PPFIA2: variants seen among roughly 807,000 people sequenced by gnomAD.
PPFIA2 encodes the protein PPFI scaffold protein A2, also known as liprin-alpha-2.
In PPFIA2, 46 loss-of-function variants were observed where a neutral mutation model predicts 175.5. The ratio of observed to expected loss-of-function variants is 0.26; its 90% CI spans 0.21 to 0.34. The LOEUF (loss-of-function observed/expected upper bound fraction) is 0.34. PPFIA2 is among the 10% of genes least tolerant of loss of function. The pLI is 1.00. For missense variants in PPFIA2, 1,179 were observed against 1,506.1 expected (o/e 0.78, Z 3.60); for synonymous variants, 568 against 511.4 (o/e 1.11, Z -1.49).
At chr12:81,736,452 T>C (rs749497559) in intron 3 of PPFIA2, among the ~76,000 whole-genome samples, 3 of 152,028 alleles carry the variant, frequency 2.0e-5, no homozygotes, top group African/African-American at 4.8e-5. Context: ...TTTGTGGACA[T>C]AGACGCATTT....
chr12:81,270,237 T>C (rs1249705828), intron 28 of PPFIA2, among the ~76,000 whole-genome samples: 1 of 152,252 alleles, frequency 6.6e-6, no homozygotes, highest in Non-Finnish European at 1.5e-5. Flanking sequence ...TAACCTTGCA[T>C]TATTAATGTC....
chr12:81,473,111 T>C lies in PPFIA2; in HGVS notation c.304-15245A>G, dbSNP rs146984489. Among the ~76,000 whole-genome samples the C allele has an allele frequency of 4.1e-3, 630 of 152,144 alleles. 6 individuals are homozygous for C. Among genetic ancestry groups the C allele is most frequent in the Middle Eastern group, 0.031 (9 of 292 alleles). On this transcript the variant is annotated intron_variant, in intron 4 of 32. Coordinates refer to ENST00000549396, the MANE Select transcript of PPFIA2 (RefSeq NM_003625.5). ...ATTGCTACAGAAACATATATGTACA[T>C]AAAACTGCATGTAGGGCCGGGTGCG...
intron 3 of PPFIA2, among the ~76,000 whole-genome samples, chr12:81,718,576 A>G (rs572428830): frequency 6.6e-6 from 1 of 151,794 alleles, no homozygotes; most frequent in African/African-American, 2.4e-5. Context: ...CGGGCTCTCA[A>G]AAACCATCTG....
chr12:81,511,635 G>T (rs923000442), intron 4 of PPFIA2, among the ~76,000 whole-genome samples: 2 of 151,970 alleles, frequency 1.3e-5, no homozygotes, highest in Non-Finnish European at 2.9e-5. Context: ...AAACAACCCT[G>T]ATGTTTACTT....
At chr12:81,540,093 A>G (rs1458582894) in intron 4 of PPFIA2, among the ~76,000 whole-genome samples, 1 of 151,880 alleles carries the variant, frequency 6.6e-6, no homozygotes, top group Non-Finnish European at 1.5e-5. Context: ...AAAGAGAGAG[A>G]CCAATAGATA....
At chr12:81,707,108 C>T (rs536160293) in intron 3 of PPFIA2, among the ~76,000 whole-genome samples, 58 of 152,178 alleles carry the variant, frequency 3.8e-4, no homozygotes, top group African/African-American at 1.3e-3. Flanking sequence ...GACATAGGCA[C>T]GGGAAAGGAC....
At chr12:81,556,940 A>G (rs1348930394) in intron 4 of PPFIA2, among the ~76,000 whole-genome samples, 2 of 151,992 alleles carry the variant, frequency 1.3e-5, no homozygotes, top group Non-Finnish European at 2.9e-5. Context: ...ATAAAAATTC[A>G]ATATTAGTTT....
At chr12:81,690,481 C>T (rs2075103978) in intron 3 of PPFIA2, among the ~76,000 whole-genome samples, 2 of 152,046 alleles carry the variant, frequency 1.3e-5, no homozygotes, top group African/African-American at 4.8e-5. Context: ...TCCTGTCTCA[C>T]TCCTCACCCT....
At chr12:81,739,865 GA>G (rs574756332) in intron 3 of PPFIA2, among the ~76,000 whole-genome samples, 2 of 151,790 alleles carry the variant, frequency 1.3e-5, no homozygotes, top group Admixed American at 1.3e-4. Context: ...ATTTAAAAAA[GA>G]AAAAAACAAA....
At chr12:81,418,758 T>G (rs918327879) in intron 7 of PPFIA2, among the ~76,000 whole-genome samples, 1 of 151,936 alleles carries the variant, frequency 6.6e-6, no homozygotes, top group African/African-American at 2.4e-5. Context: ...ATAACTAAAA[T>G]TCCTGAGTTT....
At chr12:81,606,535 C>A (rs531987683) in intron 4 of PPFIA2, among the ~76,000 whole-genome samples, 1 of 152,178 alleles carries the variant, frequency 6.6e-6, no homozygotes, top group Admixed American at 6.5e-5. Flanking sequence ...GATAGTATCT[C>A]ATTGTGGTTT....
chr12:81,378,631 A>C (rs919252443), intron 9 of PPFIA2, among the ~76,000 whole-genome samples: 1 of 152,116 alleles, frequency 6.6e-6, no homozygotes, highest in African/African-American at 2.4e-5. Flanking sequence ...GTATTCTGTC[A>C]GTTTCATTTG....
Position 81,642,733 on chromosome 12 carries a change from A to ACGTATATATTATATACATACATGTACGTG in PPFIA2, c.303+34057_303+34058insCACGTACATGTATGTATATAATATATACG, listed in dbSNP as rs1344823037. Among the ~76,000 whole-genome samples the ACGTATATATTATATACATACATGTACGTG allele has an allele frequency of 7.4e-4, 6 of 8,122 alleles. 2 individuals are homozygous for ACGTATATATTATATACATACATGTACGTG. The highest frequency in any genetic ancestry group is 2.8e-3 in the Admixed American group (2 of 718). The allele number at this position is 8,122 out of a possible 152,430, so 5.3% of individuals were successfully genotyped here. A position where few individuals can be genotyped will look rare whatever the true frequency, so the allele number is the denominator to read the frequency against. On this transcript the variant is annotated intron_variant, in intron 4 of 32. Transcript: ENST00000549396. ...ATGTATGTATTATATACATACATGT[A>ACGTATATATTATATACATACATGTACGTG]TATGTATGTATGTATTATATACATA...
chr12:81,296,418 G>A (rs762817161), intron 23 of PPFIA2, among the ~76,000 whole-genome samples: 2 of 152,162 alleles, frequency 1.3e-5, no homozygotes, highest in Non-Finnish European at 2.9e-5. Context: ...CACAGGTCTC[G>A]TGCACATCTC....
intron 30 of PPFIA2, among the ~76,000 whole-genome samples, chr12:81,265,555 A>T (rs1352991289): frequency 2.6e-5 from 4 of 152,162 alleles, no homozygotes; most frequent in Non-Finnish European, 5.9e-5. Context: ...TAAGTCCACT[A>T]CTGTTCTAAG....
chr12:81,299,275 A>G, intron 23 of PPFIA2, 26 bp downstream of exon 23: 1 of 1,568,154 alleles, frequency 6.4e-7, no homozygotes, highest in South Asian at 1.2e-5. Context: ...GATTGATTCA[A>G]GGGCCTCCTA....
At chr12:81,587,261 T>A (rs1455630200) in intron 4 of PPFIA2, among the ~76,000 whole-genome samples, 2 of 151,966 alleles carry the variant, frequency 1.3e-5, no homozygotes, top group East Asian at 1.9e-4. Context: ...TGGCGGCAGT[T>A]CCTCCTATCC....
rs545413217 is a variant in PPFIA2, at chr12:81,758,520, G to A, written c.-110-13C>T. 56 of 444,046 alleles carry A rather than the reference G, an allele frequency of 1.3e-4. No individual in the cohort carries two copies. Among genetic ancestry groups the A allele is most frequent in the African/African-American group, 1.1e-3 (55 of 49,938 alleles). The allele number at this position is 444,046 out of a possible 1,614,324, so 27.5% of individuals were successfully genotyped here. On this transcript the variant is annotated splice_polypyrimidine_tract_variant and intron_variant, in intron 1 of 32. Coordinates refer to ENST00000549396, the MANE Select transcript of PPFIA2 (RefSeq NM_003625.5). ...CTGGACCATTTCCCTAGCAACGGGAGGAGAAAGGCAGCTCAGACACACGCG... is the reference window on the plus strand; with the variant it reads ...CTGGACCATTTCCCTAGCAACGGGAAGAGAAAGGCAGCTCAGACACACGCG...
At chr12:81,669,208 GT>G (rs569109714) in intron 4 of PPFIA2, among the ~76,000 whole-genome samples, 3 of 151,602 alleles carry the variant, frequency 2.0e-5, no homozygotes, top group South Asian at 2.1e-4. Flanking sequence ...GATTTTGTAA[GT>G]TTTTTTTCAT....
Sources: allele counts gnomAD v4.1 joint callset (sites outside exome capture counted in the v4.1 genomes callset), GRCh38; gene constraint gnomAD v4.1.1; transcripts MANE v1.5; gene names NCBI Gene and HGNC (gene_info 2026-07-23, HGNC 2026-07-21).